The following DPP6 variants were observed in gnomAD, a reference collection of about 807,000 sequenced individuals.
The protein encoded by DPP6 is dipeptidyl peptidase like 6, also known as A-type potassium channel modulatory protein DPP6.
In DPP6, 69 loss-of-function variants were observed where a neutral mutation model predicts 122.6. The observed-to-expected ratio is 0.56, with a 90% confidence interval of 0.46 to 0.69. The LOEUF is 0.69. Among genes scored for constraint, DPP6 ranks in the 30% least tolerant of loss-of-function variants. The probability of loss-of-function intolerance (pLI) is 0.00; values close to 1 mark genes in which losing one functional copy is unlikely to be tolerated. For synonymous variants in DPP6, 418 were observed against 433.1 expected (o/e 0.97, Z 0.43); for missense variants, 928 against 1,116.9 (o/e 0.83, Z 2.41).
chr7:154,273,763 T>A (rs1483190596), intron 1 of DPP6, among the ~76,000 whole-genome samples: 4 of 152,198 alleles, frequency 2.6e-5, no homozygotes, highest in Admixed American at 1.3e-4. Context: ...CCCTGAGATG[T>A]AGCGAGGACA....
At chr7:154,433,340 T>G (rs1367790507) in intron 1 of DPP6, among the ~76,000 whole-genome samples, 1 of 151,178 alleles carries the variant, frequency 6.6e-6, no homozygotes, top group South Asian at 2.1e-4. Flanking sequence ...TTTTTGTTTT[T>G]GTTTTTTTAG....
At chr7:154,308,366 G>A (rs1168499363) in intron 1 of DPP6, among the ~76,000 whole-genome samples, 1 of 151,988 alleles carries the variant, frequency 6.6e-6, no homozygotes, top group Non-Finnish European at 1.5e-5. Flanking sequence ...GTTTTTTAAA[G>A]GATACTAAAT....
At chr7:154,851,014 TA>T (rs1332220781) in intron 16 of DPP6, among the ~76,000 whole-genome samples, 3 of 152,256 alleles carry the variant, frequency 2.0e-5, no homozygotes, top group African/African-American at 7.2e-5. Flanking sequence ...TGCTTATGTG[TA>T]AATATGACCA....
chr7:154,758,373 A>AAT, intron 8 of DPP6, among the ~76,000 whole-genome samples: 1 of 143,692 alleles, frequency 7.0e-6, no homozygotes, highest in African/African-American at 2.6e-5. Context: ...GGAAATACAG[A>AAT]TTTTTTTTTT....
chr7:154,539,106 T>A (rs1406364399), intron 3 of DPP6, among the ~76,000 whole-genome samples: 2 of 152,244 alleles, frequency 1.3e-5, no homozygotes, highest in African/African-American at 4.8e-5. Flanking sequence ...TTTTCAGTCA[T>A]CAACTATTAT....
intron 4 of DPP6, among the ~76,000 whole-genome samples, chr7:154,545,981 AC>A (rs1245428651): frequency 6.6e-6 from 1 of 152,210 alleles, no homozygotes; most frequent in Non-Finnish European, 1.5e-5. Flanking sequence ...ACTTAGTGAT[AC>A]GTTTCAGGAG....
chr7:154,749,139 C>T (rs1424681879), intron 8 of DPP6, among the ~76,000 whole-genome samples: 7 of 109,808 alleles, frequency 6.4e-5, no homozygotes, highest in Admixed American at 2.0e-4. Flanking sequence ...AGAAGGATGG[C>T]GGCTTTACTG....
chr7:153,825,897 T>C, the DPP6 span, among the ~76,000 whole-genome samples: 1 of 152,178 alleles, frequency 6.6e-6, no homozygotes, highest in African/African-American at 2.4e-5. Flanking sequence ...TCTAACTTAC[T>C]GTCAGGTTCA....
intron 1 of DPP6, among the ~76,000 whole-genome samples, chr7:153,964,587 C>T (rs1414710347): frequency 6.6e-6 from 1 of 152,186 alleles, no homozygotes; most frequent in East Asian, 1.9e-4. Context: ...AGGGGCATGA[C>T]AGCTGCTCAG....
At chr7:153,921,332 A>T (rs1332126451) in intron 1 of DPP6, among the ~76,000 whole-genome samples, 1 of 152,266 alleles carries the variant, frequency 6.6e-6, no homozygotes, top group African/African-American at 2.4e-5. Flanking sequence ...AGCCTGACTG[A>T]TAACAGACAT....
At chr7:154,710,097 G>C (rs997399029) in intron 7 of DPP6, among the ~76,000 whole-genome samples, 1 of 152,194 alleles carries the variant, frequency 6.6e-6, no homozygotes, top group African/African-American at 2.4e-5. Flanking sequence ...CCACACAGGA[G>C]CTGCCTTCTC....
At position 154,345,693 on chromosome 7, in the gene DPP6, G is replaced by A. The variant is rs750977737; in HGVS notation, c.244-100521G>A. Among the ~76,000 whole-genome samples the A allele has an allele frequency of 2.0e-5, 3 of 152,142 alleles. No individual in the cohort carries two copies. In the East Asian group the frequency reaches 5.8e-4, roughly 29 times the overall value. ...GGCTGAGAGCCCAGAGGTCAGCTAT[G>A]CTTCCCATTCTGTGTGGACTCTGCC... On this transcript the variant is annotated intron_variant, in intron 1 of 25. Transcript: ENST00000377770.
chr7:154,647,015 G>A (rs1836527265), intron 6 of DPP6, among the ~76,000 whole-genome samples: 1 of 152,178 alleles, frequency 6.6e-6, no homozygotes, highest in African/African-American at 2.4e-5. Flanking sequence ...AAAATGCCCA[G>A]GAGTCCTCAT....
At position 154,160,153 on chromosome 7, in the gene DPP6, C is replaced by T. The variant is rs150863904; in HGVS notation, c.243+107090C>T. ...AAAATAAAATACATCAGACATAGAG[C>T]GGTTAATTGGCTACCCAATCCAGAA... On this transcript the variant is annotated intron_variant, in intron 1 of 25. Coordinates refer to ENST00000377770, the MANE Select transcript of DPP6 (RefSeq NM_130797.4). 1.1e-3 allele frequency among the ~76,000 whole-genome samples: 174 copies of T among 151,604 alleles called. 1 individual carries two copies. Among genetic ancestry groups the T allele is most frequent in the African/African-American group, 4.0e-3 (163 of 40,964 alleles).
At chr7:154,060,263 C>A (rs564163791) in intron 1 of DPP6, among the ~76,000 whole-genome samples, 3 of 135,020 alleles carry the variant, frequency 2.2e-5, no homozygotes, top group Non-Finnish European at 4.9e-5. Context: ...GGAGGCACCC[C>A]CCGCGAGGCA....
chr7:153,866,155 A>C, the DPP6 span, among the ~76,000 whole-genome samples: 83 of 152,254 alleles, frequency 5.5e-4, 1 homozygote, highest in African/African-American at 1.9e-3. Context: ...TACAATCCTT[A>C]GGGTATTTAC....
At chr7:154,221,037 G>T (rs994722684) in intron 1 of DPP6, among the ~76,000 whole-genome samples, 14 of 152,150 alleles carry the variant, frequency 9.2e-5, no homozygotes, top group African/African-American at 3.4e-4. Context: ...TTTGCTGGGT[G>T]CCAGGCATAA....
intron 8 of DPP6, among the ~76,000 whole-genome samples, chr7:154,750,385 G>A (rs1011693460): frequency 1.3e-5 from 2 of 152,256 alleles, no homozygotes; most frequent in Non-Finnish European, 2.9e-5. Context: ...GCCGGAGCAG[G>A]CCGCTTCTCC....
intron 1 of DPP6, among the ~76,000 whole-genome samples, chr7:153,961,641 A>G (rs1037449770): frequency 1.3e-5 from 2 of 151,822 alleles, no homozygotes; most frequent in African/African-American, 2.4e-5. Flanking sequence ...TTCTTATTAC[A>G]TTGTAACGTA....
Sources: allele counts gnomAD v4.1 joint callset (sites outside exome capture counted in the v4.1 genomes callset), GRCh38; gene constraint gnomAD v4.1.1; transcripts MANE v1.5; gene names NCBI Gene and HGNC (gene_info 2026-07-23, HGNC 2026-07-21).